The following LUZP2 variants were observed in gnomAD, a reference collection of about 807,000 sequenced individuals.
LUZP2 encodes the protein leucine zipper protein 2.
In LUZP2, 52 loss-of-function variants were observed where a neutral mutation model predicts 51.6. The observed-to-expected ratio is 1.01, with a 90% CI of 0.81 to 1.27. The LOEUF is 1.27. Ranked by LOEUF, LUZP2 falls within the 50% of genes most tolerant of loss-of-function variation. LUZP2 has a pLI of 0.00. For synonymous variants in LUZP2, 154 were observed against 137.3 expected, an observed-to-expected ratio of 1.12 and a Z score of -0.85; for missense variants, 436 against 395.4, an observed-to-expected ratio of 1.10 and a Z score of -0.87.
At chr11:25,012,752 G>T (rs1432326372) in intron 9 of LUZP2, among the ~76,000 whole-genome samples, 3 of 152,102 alleles carry the variant, frequency 2.0e-5, no homozygotes, top group Non-Finnish European at 2.9e-5. Flanking sequence ...GCAGAGAAAA[G>T]GTAATTCATA....
chr11:24,742,015 T>A (rs1011133923), intron 4 of LUZP2, among the ~76,000 whole-genome samples: 1 of 135,170 alleles, frequency 7.4e-6, no homozygotes, highest in East Asian at 2.0e-4. Context: ...TATATAAATA[T>A]AATTATATAT....
chr11:25,054,764 T>C (rs1162643425), intron 10 of LUZP2, among the ~76,000 whole-genome samples: 1 of 152,074 alleles, frequency 6.6e-6, no homozygotes, highest in Non-Finnish European at 1.5e-5. Context: ...ATTTATGGGA[T>C]GAGATAAAAA....
At chr11:24,683,721 A>G (rs1375503987) in intron 1 of LUZP2, among the ~76,000 whole-genome samples, 1 of 152,140 alleles carries the variant, frequency 6.6e-6, no homozygotes, top group Non-Finnish European at 1.5e-5. Flanking sequence ...ATTTCTCTTC[A>G]ATGGCACCTA....
intron 9 of LUZP2, among the ~76,000 whole-genome samples, chr11:25,040,728 A>G (rs1858028297): frequency 6.6e-6 from 1 of 152,180 alleles, no homozygotes; most frequent in Non-Finnish European, 1.5e-5. Flanking sequence ...GATGAGTTGT[A>G]GAGATGAAAG....
At chr11:24,640,962 GATATAGATATAGATATAGATATAGATA>G (rs1855258711) in intron 1 of LUZP2, among the ~76,000 whole-genome samples, 1 of 1,148 alleles carries the variant, frequency 8.7e-4, no homozygotes, top group Admixed American at 0.011. Context: ...TATCTGTATA[GATATAGATATAGATATAGATATAGATA>G]TAGATATAGA....
chr11:24,759,414 A>G (rs1391578683), intron 4 of LUZP2, among the ~76,000 whole-genome samples: 5 of 152,164 alleles, frequency 3.3e-5, no homozygotes, highest in African/African-American at 9.6e-5. Context: ...AAATGCTAAT[A>G]TATTTTTAAT....
At chr11:24,948,844 TATCTATCTATCTATC>T (rs1854982664) in intron 7 of LUZP2, among the ~76,000 whole-genome samples, 4 of 148,060 alleles carry the variant, frequency 2.7e-5, no homozygotes, top group Non-Finnish European at 6.0e-5. Context: ...TCTATCTATC[TATCTATCTATCTATC>T]TATCTATCTA....
chr11:24,614,763 T>C (rs1322623639), intron 1 of LUZP2, among the ~76,000 whole-genome samples: 1 of 152,018 alleles, frequency 6.6e-6, no homozygotes, highest in East Asian at 1.9e-4. Context: ...TAGATTATCT[T>C]CCTGTTCCTG....
intron 5 of LUZP2, among the ~76,000 whole-genome samples, chr11:24,764,586 C>G (rs1860114534): frequency 6.6e-6 from 1 of 150,998 alleles, no homozygotes; most frequent in Admixed American, 6.6e-5. Context: ...ATTGCTTGAG[C>G]CTGAGAGGTC....
intron 1 of LUZP2, among the ~76,000 whole-genome samples, chr11:24,609,468 G>A (rs756932903): frequency 1.5e-4 from 23 of 152,070 alleles, no homozygotes; most frequent in Non-Finnish European, 3.1e-4. Flanking sequence ...GCTCACTTCT[G>A]TAATCCCAGC....
At chr11:24,979,634 A>C (rs1855973133) in intron 8 of LUZP2, among the ~76,000 whole-genome samples, 1 of 151,912 alleles carries the variant, frequency 6.6e-6, no homozygotes, top group Non-Finnish European at 1.5e-5. Flanking sequence ...TCAAGAGCTA[A>C]GAATCAGCCT....
intron 5 of LUZP2, among the ~76,000 whole-genome samples, chr11:24,890,723 A>T (rs1049286012): frequency 6.6e-6 from 1 of 152,168 alleles, no homozygotes; most frequent in Non-Finnish European, 1.5e-5. Context: ...ATCCTGAGAT[A>T]TATTATTTCA....
chr11:24,713,703 T>TTC (rs1327675789), intron 1 of LUZP2, among the ~76,000 whole-genome samples: 2 of 148,390 alleles, frequency 1.3e-5, no homozygotes, highest in Non-Finnish European at 3.0e-5. Context: ...TTTTTTTTTT[T>TTC]TCTGAGATGG....
intron 7 of LUZP2, among the ~76,000 whole-genome samples, chr11:24,944,879 TA>T (rs1341989436): frequency 2.6e-5 from 4 of 152,210 alleles, no homozygotes; most frequent in African/African-American, 9.6e-5. Context: ...TAAACTGTGC[TA>T]TTTTTTAAAA....
chr11:24,696,537 A>T (rs1019782934), intron 1 of LUZP2, among the ~76,000 whole-genome samples: 1 of 152,122 alleles, frequency 6.6e-6, no homozygotes, highest in Non-Finnish European at 1.5e-5. Flanking sequence ...ATTTCTCATT[A>T]CTTCATAATA....
At chr11:24,609,289 G>GGT (rs1197199635) in intron 1 of LUZP2, among the ~76,000 whole-genome samples, 1 of 152,154 alleles carries the variant, frequency 6.6e-6, no homozygotes, top group African/African-American at 2.4e-5. Flanking sequence ...CTGTAGCAGT[G>GGT]GTGTAGTGTG....
chr11:25,040,343 ATTTTTTT>A (rs57668112), intron 9 of LUZP2, among the ~76,000 whole-genome samples: 6 of 98,824 alleles, frequency 6.1e-5, no homozygotes, highest in Non-Finnish European at 1.1e-4. Flanking sequence ...TTTCTTTCCG[ATTTTTTT>A]TTTTTTTTTT....
chr11:24,898,859 G>A (rs1434593426), intron 5 of LUZP2, among the ~76,000 whole-genome samples: 2 of 152,110 alleles, frequency 1.3e-5, no homozygotes, highest in Non-Finnish European at 2.9e-5. Context: ...AGGCAGAATA[G>A]TACAGTGTTC....
intron 1 of LUZP2, among the ~76,000 whole-genome samples, chr11:24,598,108 A>G (rs957421319): frequency 6.6e-6 from 1 of 151,974 alleles, no homozygotes; most frequent in Non-Finnish European, 1.5e-5. Context: ...CTCAAAAAAA[A>G]AAAAAAAAGA....
Sources: gnomAD v4.1 joint callset for allele counts (sites outside exome capture counted in the v4.1 genomes callset) on GRCh38, gnomAD v4.1.1 for gene constraint, MANE v1.5 for transcripts, NCBI Gene and HGNC (gene_info 2026-07-23, HGNC 2026-07-21) for gene names.